The following PCM1 variants were observed in gnomAD, a reference collection of about 807,000 sequenced individuals.
PCM1 encodes the protein pericentriolar material 1, also known as pericentriolar material 1 protein.
In PCM1, 157 loss-of-function variants were observed where a neutral mutation model predicts 241.9. The ratio of observed to expected loss-of-function variants is 0.65; its 90% CI spans 0.57 to 0.74. PCM1 has a LOEUF of 0.74. Ranked by LOEUF, PCM1 falls within the 30% of genes least tolerant of loss-of-function variation. The pLI is 0.00. For missense variants in PCM1, 3,478 were observed against 2,360.1 expected (o/e 1.47, Z -9.81); for synonymous variants, 1,085 against 784.9 (o/e 1.38, Z -6.39).
intron 27 of PCM1, among the ~76,000 whole-genome samples, chr8:17,990,573 C>T (rs2084268140): frequency 6.6e-6 from 1 of 150,382 alleles, no homozygotes; most frequent in Non-Finnish European, 1.5e-5. Flanking sequence ...AAATTCGAGT[C>T]CTAGACTTGG....
intron 11 of PCM1, 91 bp downstream of exon 11, chr8:17,956,868 A>G (rs957428040): frequency 5.4e-5 from 54 of 1,003,960 alleles, no homozygotes; most frequent in Non-Finnish European, 1.8e-5. Context: ...TGTAGTATTT[A>G]CTATTTGCCT....
In PCM1 at chr8:17,960,350, A is replaced by G. The variant is rs759203362; in HGVS notation, c.2228A>G (p.Gln743Arg). ...TATGAGGCTAAACTACAGCAGCAAC[A>G]GAGAGAGCTAAAACAATTGCAGGAA... ...KFYEAKLQQQ[Q>R]RELKQLQEER... Residue 743 changes from glutamine to arginine, a missense_variant, in exon 15 of 39, where the codon CAG becomes CGG. By Grantham distance (43) the Gln-to-Arg change is conservative. Transcript: ENST00000325083. The G allele has an allele frequency of 1.3e-6, 2 of 1,599,134 alleles. No homozygotes were observed. The highest frequency in any genetic ancestry group is 1.7e-6 in the Non-Finnish European group (2 of 1,175,938).
At chr8:17,989,740 AAC>A in intron 26 of PCM1, 117 bp from the exon 27 acceptor site, 1 of 690,052 alleles carries the variant, frequency 1.4e-6, no homozygotes, top group Non-Finnish European at 2.3e-6. Context: ...ATACTGAGGA[AAC>A]TTATGAATAT....
chr8:17,956,617 G>C lies in PCM1; in HGVS notation c.1486G>C (p.Val496Leu). Residue 496 changes from valine (V) to leucine (L), a missense_variant, in exon 11 of 39, where the codon GTT becomes CTT. By Grantham distance (32) the Val-to-Leu change is conservative. Transcript: ENST00000325083. ...TTTGTTTATCAGGAAGTTAAATGAA[G>C]TTCGAAAGAGATTGAATGAGCTAAG... ...PSEKLQKLNE[V>L]RKRLNELREL... is the part of the protein sequence containing the mutation. 6.3e-7 allele frequency: 1 copy of C among 1,590,834 alleles called. No individual in the cohort carries two copies. Among genetic ancestry groups the C allele is most frequent in the Non-Finnish European group, 8.6e-7 (1 of 1,166,800 alleles).
At chr8:17,961,553 C>T (rs907785081) in intron 15 of PCM1, among the ~76,000 whole-genome samples, 2 of 152,036 alleles carry the variant, frequency 1.3e-5, no homozygotes, top group Non-Finnish European at 2.9e-5. Context: ...CGTCGTGATC[C>T]GCCCGCCTCG....
chr8:17,928,616 C>CTTTTTTTTT (rs71215287), intron 2 of PCM1, among the ~76,000 whole-genome samples: 2 of 82,570 alleles, frequency 2.4e-5, no homozygotes, highest in Non-Finnish European at 2.4e-5. Flanking sequence ...GTATCTCCCT[C>CTTTTTTTTT]TTTTTTTTTT....
chr8:17,934,623 T>G (rs1413128382), intron 2 of PCM1: 2 of 152,204 alleles, frequency 1.3e-5, no homozygotes, highest in Non-Finnish European at 2.9e-5. Context: ...CTCTTTTGAA[T>G]GTCAGTGCTT....
intron 2 of PCM1, among the ~76,000 whole-genome samples, chr8:17,930,770 T>G (rs982625249): frequency 6.6e-6 from 1 of 151,662 alleles, no homozygotes; most frequent in Non-Finnish European, 1.5e-5. Flanking sequence ...GTCCCAGCTA[T>G]TGGGGAGGCT....
intron 36 of PCM1, among the ~76,000 whole-genome samples, chr8:18,024,059 A>T (rs1161117490): frequency 6.6e-6 from 1 of 152,228 alleles, no homozygotes. Context: ...CATAAAACAA[A>T]GGCCTTTAAA....
chr8:18,022,615 A>G (rs2093845430), intron 36 of PCM1, among the ~76,000 whole-genome samples: 1 of 152,244 alleles, frequency 6.6e-6, no homozygotes, highest in South Asian at 2.1e-4. Flanking sequence ...TCCTGTAACT[A>G]CTATTGATTT....
intron 7 of PCM1, among the ~76,000 whole-genome samples, chr8:17,948,938 C>G (rs1280396777): frequency 1.3e-5 from 2 of 152,096 alleles, no homozygotes; most frequent in African/African-American, 4.8e-5. Context: ...ATTCTTATTT[C>G]TGTTTTATAG....
intron 29 of PCM1, among the ~76,000 whole-genome samples, chr8:17,997,953 T>G (rs550680187): frequency 4.1e-4 from 62 of 151,628 alleles, no homozygotes; most frequent in Admixed American, 5.9e-4. Flanking sequence ...GGAGAATCGC[T>G]TGAACCCGGG....
intron 17 of PCM1, among the ~76,000 whole-genome samples, chr8:17,964,197 G>C (rs1229957425): frequency 6.6e-6 from 1 of 152,174 alleles, no homozygotes; most frequent in Non-Finnish European, 1.5e-5. Context: ...TGTGTACCTA[G>C]TGTCTACTGT....
intron 36 of PCM1, among the ~76,000 whole-genome samples, chr8:18,023,038 T>G (rs1223939328): frequency 2.0e-5 from 3 of 152,206 alleles, no homozygotes; most frequent in African/African-American, 7.2e-5. Flanking sequence ...CCTGGCAGTG[T>G]GCAGATGCAG....
At chr8:17,928,401 C>G (rs950968241) in intron 2 of PCM1, among the ~76,000 whole-genome samples, 14 of 152,110 alleles carry the variant, frequency 9.2e-5, no homozygotes, top group African/African-American at 3.4e-4. Flanking sequence ...CTTCACAACA[C>G]TTAGGAACAC....
At chr8:17,941,244 G>A (rs1333423250) in intron 6 of PCM1, among the ~76,000 whole-genome samples, 1 of 152,122 alleles carries the variant, frequency 6.6e-6, no homozygotes, top group Non-Finnish European at 1.5e-5. Flanking sequence ...TGTGGGTAAA[G>A]GAATTCTGTT....
At chr8:17,978,637 G>A (rs948930104) in intron 23 of PCM1, among the ~76,000 whole-genome samples, 3 of 152,034 alleles carry the variant, frequency 2.0e-5, no homozygotes, top group Admixed American at 1.3e-4. Flanking sequence ...CCACATGTCA[G>A]AATGAAAAGG....
At chr8:17,960,577 T>C (rs1263563899) in intron 15 of PCM1, 133 bp downstream of exon 15, 2 of 586,686 alleles carry the variant, frequency 3.4e-6, no homozygotes, top group Admixed American at 4.0e-5. Flanking sequence ...CAGGCTGAAG[T>C]GCAGTGGCGT....
intron 29 of PCM1, among the ~76,000 whole-genome samples, chr8:17,994,270 T>G (rs937099953): frequency 3.9e-5 from 6 of 152,202 alleles, no homozygotes; most frequent in African/African-American, 1.4e-4. Flanking sequence ...CACAAGTAAG[T>G]GAGAACATAT....
Sources: gnomAD v4.1 joint callset for allele counts (sites outside exome capture counted in the v4.1 genomes callset) on GRCh38, gnomAD v4.1.1 for gene constraint, MANE v1.5 for transcripts, NCBI Gene and HGNC (gene_info 2026-07-23, HGNC 2026-07-21) for gene names.